CPXM2: variants seen among roughly 807,000 people sequenced by gnomAD.
The protein encoded by CPXM2 is carboxypeptidase X, M14 family member 2.
Under a neutral mutation model 86.1 loss-of-function variants are expected in CPXM2, and 66 were observed. That is an observed-to-expected ratio of 0.77 (90% confidence interval 0.63 to 0.94). The LOEUF is 0.94. Ranked by LOEUF, CPXM2 falls within the 40% of genes least tolerant of loss-of-function variation. CPXM2 has a pLI of 0.00. For missense variants in CPXM2, 948 were observed against 1,026.3 expected (o/e 0.92, Z 1.04); for synonymous variants, 388 against 400.2 (o/e 0.97, Z 0.36).
chr10:123,871,036 T>C lies in CPXM2; in HGVS notation c.404-8313A>G, dbSNP rs550966950. ...TCTCAAAGAATCGGGTTCCAGCCCA[T>C]GCTGGCTACAGTGGCTGATATCTGG... On this transcript the variant is annotated intron_variant, in intron 2 of 13. Transcript: ENST00000241305. Among the ~76,000 whole-genome samples the C allele has an allele frequency of 2.0e-5, 3 of 152,334 alleles. No homozygotes were observed. The South Asian group carries it at 6.2e-4, about 32-fold the overall frequency.
chr10:123,783,999 T>A (rs1175867616), intron 6 of CPXM2, among the ~76,000 whole-genome samples: 1 of 152,252 alleles, frequency 6.6e-6, no homozygotes, highest in Non-Finnish European at 1.5e-5. Flanking sequence ...ATTGGTCTAC[T>A]AATCCTGCCC....
intron 6 of CPXM2, among the ~76,000 whole-genome samples, chr10:123,786,631 C>T (rs1028560420): frequency 6.6e-6 from 1 of 152,174 alleles, no homozygotes; most frequent in African/African-American, 2.4e-5. Context: ...CTGAGTCCAC[C>T]ACCACAACGG....
rs534306999 is a variant in CPXM2, at chr10:123,771,998, T to C, written c.979-959A>G. Among the ~76,000 whole-genome samples, 5 of 152,328 alleles carry C rather than the reference T, an allele frequency of 3.3e-5. No homozygotes were observed. The South Asian group carries it at 1.0e-3, about 32-fold the overall frequency. ...TCTCATGTATTTCTTCATAGCAGCATGAGAATGAAGGAATACACCTTCCTT... is the reference window on the plus strand; with the variant it reads ...TCTCATGTATTTCTTCATAGCAGCACGAGAATGAAGGAATACACCTTCCTT... On this transcript the variant is annotated intron_variant, in intron 7 of 13. Coordinates refer to ENST00000241305, the MANE Select transcript of CPXM2 (RefSeq NM_198148.3).
rs1316122103 is a variant in CPXM2, at chr10:123,891,330, G to T, written c.304+26C>A. On this transcript the variant is annotated intron_variant, in intron 1 of 13. Transcript: ENST00000241305. The surrounding 1 kb of genome is among the most constrained non-coding windows in gnomAD (Gnocchi z 5.6). ...CGCGCAACCACCGGCGCCCCCTCGG[G>T]CTGCCCAGCGCAGAAAGTTCCTTAC... The T allele has an allele frequency of 6.8e-7, 1 of 1,475,852 alleles. No individual in the cohort carries two copies. Among genetic ancestry groups the T allele is most frequent in the East Asian group, 2.6e-5 (1 of 38,612 alleles). The allele number at this position is 1,475,852 out of a possible 1,614,324, so 91.4% of individuals were successfully genotyped here.
At chr10:123,935,961 T>A (rs1945713885) in intron 2 of CPXM2, among the ~76,000 whole-genome samples, 1 of 146,988 alleles carries the variant, frequency 6.8e-6, no homozygotes, top group African/African-American at 2.6e-5. Context: ...CACCAGCATC[T>A]TTACCATCAT....
At chr10:123,750,282 G>C in intron 13 of CPXM2, 10 of 985,312 alleles carry the variant, frequency 1.0e-5, no homozygotes, top group Non-Finnish European at 1.2e-5. Flanking sequence ...TTCAGATAAG[G>C]GCTCAGTGCT....
chr10:123,854,964 G>A (rs968413755), intron 3 of CPXM2, among the ~76,000 whole-genome samples: 5 of 151,900 alleles, frequency 3.3e-5, no homozygotes, highest in African/African-American at 1.2e-4. Flanking sequence ...GGAGGCTTTG[G>A]TGGTTTTGGA....
rs767607676 is a variant in CPXM2 at position 123,766,944 on chromosome 10, C to T, written c.1479+29G>A. 7 of 1,589,526 alleles carry T rather than the reference C, an allele frequency of 4.4e-6. No homozygotes were observed. In the Admixed American group the frequency reaches 8.3e-5, roughly 19 times the overall value. On this transcript the variant is annotated intron_variant, in intron 10 of 13. Coordinates refer to ENST00000241305, the MANE Select transcript of CPXM2 (RefSeq NM_198148.3). The stretch of plus-strand genomic sequence containing the variant: ...GGAGGTTAAGCCTTGCCTTTGGCTG[C>T]TTTACAGATGACGGGTATTTTGACT...
rs780970130 is a variant in CPXM2 at position 123,875,807 on chromosome 10, CTTTT to C, written c.403+4400_403+4403del. On this transcript the variant is annotated intron_variant, in intron 2 of 13. Coordinates refer to ENST00000241305, the MANE Select transcript of CPXM2 (RefSeq NM_198148.3). ...GAGATCATGTTTCTTTCTTTTCTTTCTTTTTTTTTTTTTTTTTTTTTTTTGGTGG... is the reference window on the plus strand; with the variant it reads ...GAGATCATGTTTCTTTCTTTTCTTTCTTTTTTTTTTTTTTTTTTTTGGTGG... Among the ~76,000 whole-genome samples the C allele has an allele frequency of 8.6e-3, 724 of 84,580 alleles. 2 individuals carry two copies. Among genetic ancestry groups the C allele is most frequent in the African/African-American group, 0.029 (674 of 23,498 alleles). 55.5% of individuals were successfully genotyped at this position (84,580 alleles called of 152,430 possible).
rs1282667556 is a variant in CPXM2 at position 123,757,199 on chromosome 10, C to A, written c.1917+14G>T. On this transcript the variant is annotated intron_variant, in intron 12 of 13. Transcript: ENST00000241305. Reference sequence around the variant, plus strand: ...GCTAGTCCCCCTCATCCCAGCCACACACCCGCAATATACCTGCTCCATGAA... The same window carrying A: ...GCTAGTCCCCCTCATCCCAGCCACAAACCCGCAATATACCTGCTCCATGAA... 1 of 1,612,006 alleles carries A rather than the reference C, an allele frequency of 6.2e-7. No homozygotes were observed. Among genetic ancestry groups the A allele is most frequent in the Non-Finnish European group, 8.5e-7 (1 of 1,178,416 alleles).
chr10:123,842,941 G>A (rs546056864), intron 3 of CPXM2, among the ~76,000 whole-genome samples: 15 of 152,148 alleles, frequency 9.9e-5, no homozygotes, highest in Non-Finnish European at 1.5e-4. Context: ...AAACCGCTGC[G>A]GGAGCATTTA....
chr10:123,896,458 C>T (rs1390401257), upstream of CPXM2, among the ~76,000 whole-genome samples: 2 of 152,150 alleles, frequency 1.3e-5, no homozygotes, highest in African/African-American at 4.8e-5. Flanking sequence ...TGGCAGTGTC[C>T]TTTGTGATGT....
intron 2 of CPXM2, among the ~76,000 whole-genome samples, chr10:123,876,423 G>A (rs1944988434): frequency 6.6e-6 from 1 of 152,158 alleles, no homozygotes; most frequent in East Asian, 1.9e-4. Flanking sequence ...TATGAGAAAG[G>A]AGGGAACCAG....
chr10:123,813,289 T>C (rs2134096665), intron 4 of CPXM2, among the ~76,000 whole-genome samples: 1 of 152,358 alleles, frequency 6.6e-6, no homozygotes, highest in East Asian at 1.9e-4. Flanking sequence ...GATCTTACTT[T>C]GTCTAAGAAG....
intron 4 of CPXM2, among the ~76,000 whole-genome samples, chr10:123,816,689 C>T (rs1004492631): frequency 1.3e-5 from 2 of 152,240 alleles, no homozygotes; most frequent in Non-Finnish European, 2.9e-5. Flanking sequence ...CCTTTTTCTC[C>T]ATTCCTGTCC....
At position 123,884,601 on chromosome 10, in the gene CPXM2, C is replaced by CG. The variant is rs145117686; in HGVS notation, c.305-4293dup. On this transcript the variant is annotated intron_variant, in intron 1 of 13. Coordinates refer to ENST00000241305, the MANE Select transcript of CPXM2 (RefSeq NM_198148.3). ...CATCTCAATGACCTTGACGGGAGCC[C>CG]GGGGGGAGGCTGTGGGCTGGACATG... Among the ~76,000 whole-genome samples, 499 of 152,186 alleles carry CG rather than the reference C, an allele frequency of 3.3e-3. 13 individuals are homozygous for CG. The East Asian group carries it at 0.055, about 17-fold the overall frequency.
intron 6 of CPXM2, among the ~76,000 whole-genome samples, chr10:123,785,036 T>G (rs1290290175): frequency 6.6e-6 from 1 of 152,232 alleles, no homozygotes; most frequent in East Asian, 1.9e-4. Context: ...AAGTGACCAG[T>G]GGAAACCTCT....
intron 4 of CPXM2, among the ~76,000 whole-genome samples, chr10:123,806,731 C>T (rs369345544): frequency 2.0e-5 from 3 of 152,040 alleles, no homozygotes; most frequent in East Asian, 1.9e-4. Flanking sequence ...GCACATCTTA[C>T]GTGGCGGCAG....
Position 123,870,078 on chromosome 10 carries a change from C to T in CPXM2, c.404-7355G>A, listed in dbSNP as rs115902299. 5.0e-3 allele frequency among the ~76,000 whole-genome samples: 763 copies of T among 152,238 alleles called. 6 individuals carry two copies. The highest frequency in any genetic ancestry group is 0.017 in the African/African-American group (718 of 41,530). ...AGGGAAAACCTGCAGGTAACTACTGCGAGCCAGACTGGCTAGAGACTCCTG... is the reference window on the plus strand; with the variant it reads ...AGGGAAAACCTGCAGGTAACTACTGTGAGCCAGACTGGCTAGAGACTCCTG... On this transcript the variant is annotated intron_variant, in intron 2 of 13. Coordinates refer to ENST00000241305, the MANE Select transcript of CPXM2 (RefSeq NM_198148.3).
Sources: gnomAD v4.1 joint callset for allele counts (sites outside exome capture counted in the v4.1 genomes callset) on GRCh38, gnomAD v4.1.1 for gene constraint, Gnocchi (gnomAD v3.1) non-coding constraint, MANE v1.5 for transcripts, NCBI Gene and HGNC (gene_info 2026-07-23, HGNC 2026-07-21) for gene names.